Variants in SESN3 observed in about 807,000 individuals in gnomAD.
SESN3 encodes sestrin-3.
In SESN3, 21 loss-of-function variants were observed where a neutral mutation model predicts 55.3. The observed-to-expected ratio is 0.38, with a 90% CI of 0.27 to 0.55. The LOEUF (loss-of-function observed/expected upper bound fraction) is 0.55, where lower values mean the gene tolerates loss of function less well. SESN3 is among the 20% of genes least tolerant of loss of function. SESN3 has a pLI of 0.76. For missense variants in SESN3, 408 were observed against 604.3 expected, an observed-to-expected ratio of 0.68 and a Z score of 3.41; for synonymous variants, 181 against 203.1, an observed-to-expected ratio of 0.89 and a Z score of 0.93.
Position 95,171,515 on chromosome 11 carries a change from G to A in SESN3, c.*1740C>T, listed in dbSNP as rs1287647859. 6.6e-6 allele frequency: 1 copy of A among 152,100 alleles called. No homozygotes were observed. The highest frequency in any genetic ancestry group is 6.6e-5 in the Admixed American group (1 of 15,260). 9.4% of individuals were successfully genotyped at this position (152,100 alleles called of 1,614,324 possible). A position where few individuals can be genotyped will look rare whatever the true frequency, so the allele number is the denominator to read the frequency against. Reference sequence around the variant, plus strand: ...CTAAAAGAAAGCAACCCAATATATTGTACCAGAGGAGGATGATAAATGGAA... The same window carrying A: ...CTAAAAGAAAGCAACCCAATATATTATACCAGAGGAGGATGATAAATGGAA... On this transcript the variant is annotated 3_prime_UTR_variant, in exon 10 of 10. Coordinates refer to ENST00000536441, the MANE Select transcript of SESN3 (RefSeq NM_144665.4).
intron 1 of SESN3, among the ~76,000 whole-genome samples, chr11:95,215,459 G>C (rs563803758): frequency 6.6e-6 from 1 of 152,192 alleles, no homozygotes; most frequent in Admixed American, 6.5e-5. Context: ...CTGGGGGAGG[G>C]GAAGTAGGAA....
rs2134203058 is a variant in SESN3 at position 95,168,649 on chromosome 11, G to A, written c.*4606C>T. ...ACACTTGATACTGCATTAACATCTG[G>A]TAGAGTGTCTAGGGCAAAGGTTAGC... is the stretch of plus-strand genomic sequence containing the variant. On this transcript the variant is annotated 3_prime_UTR_variant, in exon 10 of 10. Coordinates refer to ENST00000536441, the MANE Select transcript of SESN3 (RefSeq NM_144665.4). 2 of 152,354 alleles carry A rather than the reference G, an allele frequency of 1.3e-5. No homozygotes were observed. The highest frequency in any genetic ancestry group is 1.3e-4 in the Admixed American group (2 of 15,298). 9.4% of individuals were successfully genotyped at this position (152,354 alleles called of 1,614,324 possible). A position where few individuals can be genotyped will look rare whatever the true frequency, so the allele number is the denominator to read the frequency against.
chr11:95,168,450 A>T lies in SESN3; in HGVS notation c.*4805T>A, dbSNP rs578122476. The T allele has an allele frequency of 2.6e-5, 4 of 152,232 alleles. No individual in the cohort carries two copies. Among genetic ancestry groups the T allele is most frequent in the Non-Finnish European group, 5.9e-5 (4 of 68,042 alleles). 9.4% of individuals were successfully genotyped at this position (152,232 alleles called of 1,614,324 possible). A position where few individuals can be genotyped will look rare whatever the true frequency, so the allele number is the denominator to read the frequency against. On this transcript the variant is annotated 3_prime_UTR_variant, in exon 10 of 10. Coordinates refer to ENST00000536441, the MANE Select transcript of SESN3 (RefSeq NM_144665.4). Reference sequence around the variant, plus strand: ...AAGTTTCCTACTTTGATAGAAGGCAAAAATCTTTTATGATTTATTTAAAAT... The same window carrying T: ...AAGTTTCCTACTTTGATAGAAGGCATAAATCTTTTATGATTTATTTAAAAT...
At chr11:95,222,206 A>G (rs1284804925) in intron 1 of SESN3, among the ~76,000 whole-genome samples, 1 of 152,214 alleles carries the variant, frequency 6.6e-6, no homozygotes, top group Non-Finnish European at 1.5e-5. Flanking sequence ...AAAGGCCAGC[A>G]GCTAAGGCTG....
chr11:95,193,812 G>C (rs1860310738), intron 1 of SESN3, among the ~76,000 whole-genome samples: 1 of 152,016 alleles, frequency 6.6e-6, no homozygotes, highest in South Asian at 2.1e-4. Context: ...TGACATGCCT[G>C]AAAACCATTA....
intron 3 of SESN3, 120 bp downstream of exon 3, chr11:95,191,284 G>T: frequency 1.3e-6 from 1 of 794,988 alleles, no homozygotes; most frequent in South Asian, 1.6e-5. Flanking sequence ...GGCTTCTTCA[G>T]TTCTTATGTC....
At chr11:95,177,937 A>G in intron 7 of SESN3, 28 bp from the exon 8 acceptor site, 1 of 1,436,100 alleles carries the variant, frequency 7.0e-7, no homozygotes, top group Non-Finnish European at 9.5e-7. Flanking sequence ...ATTTAATTAC[A>G]AAGTGGGCAT....
rs1859823024 is a variant in SESN3, at chr11:95,170,153, A to G, written c.*3102T>C. On this transcript the variant is annotated 3_prime_UTR_variant, in exon 10 of 10. Transcript: ENST00000536441. ...AAGCCTCTTTTCCCCTAATAGTCAT[A>G]TATCCACCTGAGGAAGCCTCGTCTG... The G allele has an allele frequency of 6.6e-6, 1 of 152,314 alleles. No individual in the cohort carries two copies. Among genetic ancestry groups the G allele is most frequent in the South Asian group, 2.1e-4 (1 of 4,828 alleles). The allele number at this position is 152,314 out of a possible 1,614,324, so 9.4% of individuals were successfully genotyped here. A position where few individuals can be genotyped will look rare whatever the true frequency, so the allele number is the denominator to read the frequency against.
intron 2 of SESN3, among the ~76,000 whole-genome samples, chr11:95,191,875 C>T (rs1860275657): frequency 6.6e-6 from 1 of 152,030 alleles, no homozygotes; most frequent in South Asian, 2.1e-4. Context: ...ATCTGTTTTG[C>T]TAGGCATATT....
At chr11:95,223,394 A>C (rs914004091) in intron 1 of SESN3, among the ~76,000 whole-genome samples, 9 of 152,200 alleles carry the variant, frequency 5.9e-5, no homozygotes, top group African/African-American at 2.2e-4. Flanking sequence ...CCTTGTAGCC[A>C]AGAACCAATC....
At chr11:95,222,430 T>G (rs1025769702) in intron 1 of SESN3, among the ~76,000 whole-genome samples, 1 of 152,170 alleles carries the variant, frequency 6.6e-6, no homozygotes, top group African/African-American at 2.4e-5. Context: ...GTGTTTCTTA[T>G]AAAGAGAACA....
At chr11:95,205,943 A>T (rs1438442264) in intron 1 of SESN3, among the ~76,000 whole-genome samples, 10 of 152,080 alleles carry the variant, frequency 6.6e-5, no homozygotes, top group African/African-American at 2.2e-4. Flanking sequence ...GAAAGGCAAG[A>T]TCTCCAACAT....
intron 1 of SESN3, among the ~76,000 whole-genome samples, chr11:95,204,423 GAATT>G (rs1417362208): frequency 6.6e-6 from 1 of 151,694 alleles, no homozygotes; most frequent in African/African-American, 2.4e-5. Context: ...TTAAAAAGAA[GAATT>G]ATTAATTCAT....
At chr11:95,174,718 C>G (rs934158838) in intron 9 of SESN3, among the ~76,000 whole-genome samples, 1 of 152,122 alleles carries the variant, frequency 6.6e-6, no homozygotes, top group Non-Finnish European at 1.5e-5. Context: ...AACTCCTGAC[C>G]TCAGGTGATC....
intron 9 of SESN3, among the ~76,000 whole-genome samples, chr11:95,175,295 T>C (rs1209376535): frequency 2.6e-5 from 4 of 152,096 alleles, no homozygotes; most frequent in Non-Finnish European, 4.4e-5. Flanking sequence ...ACCCGGGAAG[T>C]GGAGGTTGCA....
intron 4 of SESN3, among the ~76,000 whole-genome samples, chr11:95,188,988 A>G (rs576769034): frequency 6.6e-6 from 1 of 152,076 alleles, no homozygotes; most frequent in Admixed American, 6.6e-5. Flanking sequence ...GAGTATGCAG[A>G]TTGATAAATG....
intron 1 of SESN3, among the ~76,000 whole-genome samples, chr11:95,202,810 C>G (rs192588559): frequency 6.6e-5 from 10 of 151,848 alleles, no homozygotes; most frequent in Non-Finnish European, 2.9e-5. Context: ...GATCTGGTCC[C>G]AAAAAAGTAT....
At chr11:95,189,109 C>T (rs1242119300) in intron 4 of SESN3, among the ~76,000 whole-genome samples, 1 of 151,806 alleles carries the variant, frequency 6.6e-6, no homozygotes, top group Non-Finnish European at 1.5e-5. Context: ...CAAAGGTTTC[C>T]ACTGATAATT....
chr11:95,229,876 A>T (rs753030873), intron 1 of SESN3, among the ~76,000 whole-genome samples: 1 of 152,252 alleles, frequency 6.6e-6, no homozygotes, highest in Non-Finnish European at 1.5e-5. Context: ...GAGTTTGAAT[A>T]CGAATAAACT....
Sources: allele counts gnomAD v4.1 joint callset (sites outside exome capture counted in the v4.1 genomes callset), GRCh38; gene constraint gnomAD v4.1.1; transcripts MANE v1.5; gene names NCBI Gene and HGNC (gene_info 2026-07-23, HGNC 2026-07-21).